The following MAPK10 variants were observed in gnomAD, a reference collection of about 807,000 sequenced individuals.
MAPK10 encodes mitogen-activated protein kinase 10, also known as JNK3 alpha protein kinase.
Under a neutral mutation model 59.3 loss-of-function variants are expected in MAPK10, and 25 were observed. That is an observed-to-expected ratio of 0.42 (90% confidence interval 0.31 to 0.59). MAPK10 has a LOEUF of 0.59. Ranked by LOEUF, MAPK10 falls within the 20% of genes least tolerant of loss-of-function variation. The pLI is 0.15. For synonymous variants in MAPK10, 190 were observed against 200.5 expected, an observed-to-expected ratio of 0.95 and a Z score of 0.44; for missense variants, 351 against 568.9, an observed-to-expected ratio of 0.62 and a Z score of 3.90.
At chr4:86,178,339 G>A (rs918401325) in intron 3 of MAPK10, among the ~76,000 whole-genome samples, 1 of 151,918 alleles carries the variant, frequency 6.6e-6, no homozygotes, top group Non-Finnish European at 1.5e-5. Context: ...TTGGTTGGAT[G>A]TTTGGTGACT....
intron 3 of MAPK10, chr4:86,194,049 G>T (rs748136243): frequency 5.9e-5 from 21 of 354,632 alleles, no homozygotes; most frequent in Non-Finnish European, 9.8e-5. Context: ...ACCCCACCCT[G>T]CTTCAGCTCA....
intron 1 of MAPK10, among the ~76,000 whole-genome samples, chr4:86,566,730 C>T (rs991959348): frequency 6.6e-6 from 1 of 151,464 alleles, no homozygotes; most frequent in Non-Finnish European, 1.5e-5. Context: ...AAAAAGTAGT[C>T]TATATTGTAA....
At chr4:86,419,692 C>T (rs1237184234) in intron 1 of MAPK10, among the ~76,000 whole-genome samples, 1 of 152,078 alleles carries the variant, frequency 6.6e-6, no homozygotes, top group East Asian at 1.9e-4. Flanking sequence ...TGTTCACTGA[C>T]ATTAGAGAAA....
intron 2 of MAPK10, among the ~76,000 whole-genome samples, chr4:86,231,577 C>T (rs1249243738): frequency 5.3e-5 from 8 of 151,776 alleles, no homozygotes; most frequent in Non-Finnish European, 2.9e-5. Flanking sequence ...ACAGGAGAAT[C>T]GCTTGAACCT....
chr4:86,075,937 A>G (rs1288393609), intron 9 of MAPK10, among the ~76,000 whole-genome samples: 2 of 151,862 alleles, frequency 1.3e-5, no homozygotes, highest in Non-Finnish European at 2.9e-5. Context: ...TCGAGTTTCC[A>G]GGCTGCTTTG....
intron 9 of MAPK10, among the ~76,000 whole-genome samples, chr4:86,075,415 A>T (rs1561365844): frequency 6.6e-6 from 1 of 152,120 alleles, no homozygotes; most frequent in Non-Finnish European, 1.5e-5. Flanking sequence ...TTCTCCATCC[A>T]GCTTTGTTCT....
intron 1 of MAPK10, among the ~76,000 whole-genome samples, chr4:86,512,580 T>C (rs1427086908): frequency 3.3e-5 from 5 of 152,232 alleles, no homozygotes; most frequent in African/African-American, 1.2e-4. Flanking sequence ...AACTTATGTT[T>C]CTAAAGAAAA....
chr4:86,031,732 G>A (rs2039065955), intron 11 of MAPK10: 2 of 253,682 alleles, frequency 7.9e-6, no homozygotes, highest in Non-Finnish European at 1.5e-5. Context: ...ATTAATGACT[G>A]GTCTTTTAAA....
At chr4:86,443,423 G>GT (rs910878310) in intron 1 of MAPK10, among the ~76,000 whole-genome samples, 2 of 151,174 alleles carry the variant, frequency 1.3e-5, no homozygotes, top group Admixed American at 6.6e-5. Context: ...TCCAACTCCC[G>GT]TCCCCTCTAG....
At chr4:86,354,733 G>C (rs995747485) in intron 1 of MAPK10, 89 bp from the exon 2 acceptor site, 4 of 436,832 alleles carry the variant, frequency 9.2e-6, no homozygotes, top group Admixed American at 4.4e-5. Flanking sequence ...AAAGACAGTT[G>C]GTTACTGGGT....
chr4:86,101,051 C>A lies in MAPK10; in HGVS notation c.730+1G>T. 6.2e-7 allele frequency: 1 copy of A among 1,613,342 alleles called. No homozygotes were observed. The highest frequency in any genetic ancestry group is 8.5e-7 in the Non-Finnish European group (1 of 1,179,530). ...ATGCTGCTCTCCCGAAGCATCCCTA[C>A]CGTTCTCCTTGTAGCCCATCCCCAG... On this transcript the variant is annotated splice_donor_variant, in intron 8 of 13. Transcript: ENST00000641462. LOFTEE classifies it high-confidence loss of function.
In MAPK10 at chr4:86,577,469, A is replaced by G. The variant is rs189708417; in HGVS notation, c.-263+16441T>C. On this transcript the variant is annotated intron_variant, in intron 1 of 4. Coordinates refer to the MAPK10 transcript ENST00000502302. ...TGATACAAAGAAATTCCAGAATGAC[A>G]TCTATGCAGCAGGCCTAAAGAACAA... Among the ~76,000 whole-genome samples, 23 of 152,336 alleles carry G rather than the reference A, an allele frequency of 1.5e-4. No individual in the cohort carries two copies. In the East Asian group the frequency reaches 4.4e-3, roughly 29 times the overall value.
chr4:86,518,049 G>C (rs1470786684), intron 1 of MAPK10, among the ~76,000 whole-genome samples: 1 of 152,100 alleles, frequency 6.6e-6, no homozygotes, highest in African/African-American at 2.4e-5. Flanking sequence ...TTTGAACAGA[G>C]TCTTGCTCTG....
At chr4:86,043,020 G>A (rs1035700580) in intron 11 of MAPK10, among the ~76,000 whole-genome samples, 1 of 152,130 alleles carries the variant, frequency 6.6e-6, no homozygotes, top group Non-Finnish European at 1.5e-5. Flanking sequence ...ATTTGGTGTA[G>A]AGAGGAGATA....
At chr4:86,364,289 G>A (rs1737472612), upstream of MAPK10, among the ~76,000 whole-genome samples, 1 of 152,002 alleles carries the variant, frequency 6.6e-6, no homozygotes, top group African/African-American at 2.4e-5. Flanking sequence ...ACCATGCCCA[G>A]CTAAATTTTT....
intron 2 of MAPK10, among the ~76,000 whole-genome samples, chr4:86,276,600 T>G (rs2094584411): frequency 6.6e-6 from 1 of 152,176 alleles, no homozygotes; most frequent in Admixed American, 6.6e-5. Context: ...TTGACTCCTC[T>G]TTCTCCTTCC....
chr4:86,214,586 C>T (rs747798315), intron 2 of MAPK10, among the ~76,000 whole-genome samples: 8 of 139,116 alleles, frequency 5.8e-5, no homozygotes, highest in South Asian at 2.3e-4. Context: ...ACAAAGTTAA[C>T]GCGCAAAAAT....
chr4:86,268,889 ACT>A (rs1384941868), intron 2 of MAPK10, among the ~76,000 whole-genome samples: 1 of 151,766 alleles, frequency 6.6e-6, no homozygotes, highest in Non-Finnish European at 1.5e-5. Context: ...TGTCTCCTCC[ACT>A]CTCTCAGCAG....
intron 2 of MAPK10, among the ~76,000 whole-genome samples, chr4:86,205,177 C>T (rs1023070673): frequency 1.3e-5 from 2 of 151,744 alleles, no homozygotes. Context: ...AATATTTAAA[C>T]CAAAGAGAGC....
Sources: gnomAD v4.1 joint callset for allele counts (sites outside exome capture counted in the v4.1 genomes callset) on GRCh38, gnomAD v4.1.1 for gene constraint, MANE v1.5 for transcripts, NCBI Gene and HGNC (gene_info 2026-07-23, HGNC 2026-07-21) for gene names.